Variants in PLOD1 observed in about 807,000 individuals in gnomAD.
The protein encoded by PLOD1 is procollagen-lysine,2-oxoglutarate 5-dioxygenase 1, also known as lysine hydroxylase.
Under a neutral mutation model 94.7 loss-of-function variants are expected in PLOD1, and 70 were observed. The observed-to-expected ratio is 0.74, with a 90% CI of 0.61 to 0.90. The LOEUF is 0.90. Among genes scored for constraint, PLOD1 ranks in the 40% least tolerant of loss-of-function variants. The pLI is 0.00. For synonymous variants in PLOD1, 417 were observed against 400.2 expected (o/e 1.04, Z -0.50); for missense variants, 905 against 972.7 (o/e 0.93, Z 0.93).
chr1:11,970,603 G>A (rs1645854569), intron 16 of PLOD1, 67 bp from the exon 17 acceptor site: 2 of 1,464,888 alleles, frequency 1.4e-6, no homozygotes, highest in Admixed American at 3.4e-5. Flanking sequence ...GTGTAGGAGA[G>A]GGGAGTAGAC....
Position 11,950,509 on chromosome 1 carries a change from T to C in PLOD1, c.455T>C (p.Leu152Pro). 1.2e-6 allele frequency: 2 copies of C among 1,613,980 alleles called. No homozygotes were observed. The highest frequency in any genetic ancestry group is 1.7e-5 in the Admixed American group (1 of 60,022). The change falls in exon 4 of 19, where the codon CTG (leucine) becomes CCG (proline). Residue 152 changes from leucine to proline, a missense_variant. Physicochemically the swap from Leu to Pro is moderately conservative, Grantham distance 98. Transcript: ENST00000196061. Reference sequence around the variant, plus strand: ...GTGGTGTCCGATGGCAAGAGGTTCCTGGGCTCTGGAGGTGAGAGGCCTGGG... The same window carrying C: ...GTGGTGTCCGATGGCAAGAGGTTCCCGGGCTCTGGAGGTGAGAGGCCTGGG... ...YPVVSDGKRFLGSGGFIGYAP... is the reference protein window; with the variant it reads ...YPVVSDGKRFPGSGGFIGYAP...
At chr1:11,950,672 A>T (rs1389882054) in intron 4 of PLOD1, 152 bp downstream of exon 4, 1 of 661,818 alleles carries the variant, frequency 1.5e-6, no homozygotes, top group Non-Finnish European at 2.6e-6. Flanking sequence ...TCAACCCCAA[A>T]TGTGCTCCCC....
chr1:11,944,042 G>A lies in PLOD1; in HGVS notation c.77-3934G>A, dbSNP rs530273767. Among the ~76,000 whole-genome samples the A allele has an allele frequency of 5.3e-5, 8 of 152,222 alleles. 1 individual carries two copies. In the South Asian group the frequency reaches 1.5e-3, roughly 28 times the overall value. On this transcript the variant is annotated intron_variant, in intron 1 of 18. Coordinates refer to ENST00000196061, the MANE Select transcript of PLOD1 (RefSeq NM_000302.4). Reference sequence around the variant, plus strand: ...AGGTCATGAGTTTGCGACCAGCCTGGCCAACATGGTGAAACCCCATCTCTA... The same window carrying A: ...AGGTCATGAGTTTGCGACCAGCCTGACCAACATGGTGAAACCCCATCTCTA...
intron 16 of PLOD1, among the ~76,000 whole-genome samples, chr1:11,969,286 G>A (rs1188983318): frequency 6.6e-6 from 1 of 152,092 alleles, no homozygotes; most frequent in Non-Finnish European, 1.5e-5. Flanking sequence ...ACCGTGCCTG[G>A]CCTCATTTTC....
intron 1 of PLOD1, among the ~76,000 whole-genome samples, chr1:11,937,177 C>T (rs1479870414): frequency 1.3e-5 from 2 of 152,178 alleles, no homozygotes; most frequent in African/African-American, 4.8e-5. Context: ...GTACCTCCCT[C>T]GGACCAGGTT....
rs779912763 is a variant in PLOD1, at chr1:11,972,874, C to G, written c.1905C>G (p.Ala635=). Residue 635 remains alanine (A), a splice_region_variant and synonymous_variant, in exon 18 of 19, where the codon GCC becomes GCG. Coordinates refer to ENST00000196061, the MANE Select transcript of PLOD1 (RefSeq NM_000302.4). The surrounding 1 kb of genome is among the most constrained non-coding windows in gnomAD (Gnocchi z 4.6). ...EKLYPGYYTR[A]QFDLAFVVRY... ...CTTGTCCCCCTGCCTTGGTACAGGCCCAGTTTGACCTGGCCTTTGTCGTCC... is the reference window on the plus strand; with the variant it reads ...CTTGTCCCCCTGCCTTGGTACAGGCGCAGTTTGACCTGGCCTTTGTCGTCC... The G allele has an allele frequency of 6.2e-7, 1 of 1,613,998 alleles. No individual in the cohort carries two copies. The highest frequency in any genetic ancestry group is 8.5e-7 in the Non-Finnish European group (1 of 1,179,936).
rs755326697 is a variant in PLOD1 at position 11,970,722 on chromosome 1, T to C, written c.1808T>C (p.Met603Thr). The C allele has an allele frequency of 3.1e-6, 5 of 1,612,856 alleles. No homozygotes were observed. In the East Asian group the frequency reaches 6.7e-5, roughly 22 times the overall value. ...YENVPTIDIH[M>T]NQIGFEREWH... ...AACGTGCCGACTATTGACATCCACA[T>C]GAACCAGATCGGCTTTGAGCGGGAG... Residue 603 changes from methionine (M) to threonine (T), a missense_variant, in exon 17 of 19, where the codon ATG (methionine) becomes ACG (threonine). Met to Thr is a moderately conservative substitution (Grantham distance 81). Transcript: ENST00000196061.
At chr1:11,939,826 TC>T (rs1645604089) in intron 1 of PLOD1, among the ~76,000 whole-genome samples, 1 of 152,186 alleles carries the variant, frequency 6.6e-6, no homozygotes, top group African/African-American at 2.4e-5. Flanking sequence ...CAGGCTGGTC[TC>T]GAGCTCCTGA....
In PLOD1 at chr1:11,956,987, C is replaced by T; in HGVS notation, c.714C>T (p.Val238=). The T allele has an allele frequency of 6.2e-7, 1 of 1,613,504 alleles. No homozygotes were observed. ...ARNLAYDTLP[V]LIHGNGPTKL... ...ACCTGGCCTATGACACCCTCCCGGT[C>T]CTGATCCATGGCAACGGGCCAACCA... is the stretch of plus-strand genomic sequence containing the variant. Residue 238 remains valine, a synonymous_variant, in exon 7 of 19, where the codon GTC becomes GTT. Transcript: ENST00000196061.
intron 1 of PLOD1, among the ~76,000 whole-genome samples, chr1:11,941,594 C>T (rs1364036326): frequency 6.6e-6 from 1 of 152,050 alleles, no homozygotes. Flanking sequence ...ATTCTCCTAT[C>T]TCAGCCTCCT....
At chr1:11,944,438 C>CACACACAT in intron 1 of PLOD1, 3 of 796,950 alleles carry the variant, frequency 3.8e-6, no homozygotes, top group Non-Finnish European at 5.5e-6. Flanking sequence ...CACACACACA[C>CACACACAT]ACACACACAC....
chr1:11,954,858 G>A lies in PLOD1; in HGVS notation c.608G>A (p.Arg203His), dbSNP rs145482271. The stretch of plus-strand genomic sequence containing the variant: ...CAGATCAATATCACCCTGGACCACC[G>A]CTGCCGTATCTTCCAGAACCTGGAT... Reference protein sequence around the residue: ...REQINITLDHRCRIFQNLDGA... With the variant: ...REQINITLDHHCRIFQNLDGA... Residue 203 changes from arginine to histidine, a missense_variant, in exon 6 of 19, where the codon CGC becomes CAC. Transcript: ENST00000196061. 119 of 1,613,340 alleles carry A rather than the reference G, an allele frequency of 7.4e-5. No homozygotes were observed. In the African/African-American group the frequency reaches 1.3e-3, roughly 18 times the overall value.
intron 1 of PLOD1, among the ~76,000 whole-genome samples, chr1:11,940,756 C>A (rs555787305): frequency 8.5e-5 from 13 of 152,314 alleles, no homozygotes; most frequent in African/African-American, 2.9e-4. Context: ...CTGGACCAGA[C>A]AGAAAGCAGA....
At chr1:11,966,782 C>T (rs185670894) in intron 15 of PLOD1, among the ~76,000 whole-genome samples, 151 of 152,280 alleles carry the variant, frequency 9.9e-4, no homozygotes, top group African/African-American at 3.4e-3. Flanking sequence ...CTGACCTTGG[C>T]GCTGGTAGCT....
chr1:11,972,826 C>T lies in PLOD1; in HGVS notation c.1903-46C>T, dbSNP rs1266514310. 2 of 1,612,636 alleles carry T rather than the reference C, an allele frequency of 1.2e-6. No individual in the cohort carries two copies. The highest frequency in any genetic ancestry group is 1.1e-5 in the South Asian group (1 of 91,006). On this transcript the variant is annotated intron_variant, in intron 17 of 18. Transcript: ENST00000196061. This position sits in a 1 kb window ranked among gnomAD's most constrained non-coding sequence, Gnocchi z 4.6. ...CACCCTCCTCTCCTGGCCTTTGTGTCCTCCTTAACTAACACGGGCTCTCTT... is the reference window on the plus strand; with the variant it reads ...CACCCTCCTCTCCTGGCCTTTGTGTTCTCCTTAACTAACACGGGCTCTCTT...
intron 3 of PLOD1, 125 bp downstream of exon 3, chr1:11,950,031 A>T: frequency 9.8e-7 from 1 of 1,020,734 alleles, no homozygotes; most frequent in Non-Finnish European, 1.6e-6. Flanking sequence ...GCCTAGTTTT[A>T]GGGTGTCCAT....
rs1217005116 is a variant in PLOD1, at chr1:11,958,794, C to T, written c.975+147C>T. The T allele has an allele frequency of 1.1e-6, 1 of 946,026 alleles. No individual in the cohort carries two copies. The highest frequency in any genetic ancestry group is 1.6e-5 in the African/African-American group (1 of 61,476). 58.6% of individuals were successfully genotyped at this position (946,026 alleles called of 1,614,324 possible). A position where few individuals can be genotyped will look rare whatever the true frequency, so the allele number is the denominator to read the frequency against. On this transcript the variant is annotated intron_variant, in intron 9 of 18. Coordinates refer to ENST00000196061, the MANE Select transcript of PLOD1 (RefSeq NM_000302.4). The surrounding 1 kb of genome is among the most constrained non-coding windows in gnomAD (Gnocchi z 4.3). ...ACCAGTGGACTGTGTCCCCAAATCA[C>T]TGAGTTAACTTTGGAGTCAGACTGG...
chr1:11,936,719 C>T (rs889570520), intron 1 of PLOD1, among the ~76,000 whole-genome samples: 3 of 151,980 alleles, frequency 2.0e-5, no homozygotes, highest in African/African-American at 4.8e-5. Flanking sequence ...GACGAGGTTT[C>T]GCCATGTTGG....
chr1:11,959,931 CT>C (rs1192824528), intron 9 of PLOD1, among the ~76,000 whole-genome samples: 6,801 of 123,206 alleles, frequency 0.055, 349 homozygotes, highest in African/African-American at 0.16. Context: ...GTTGTTTTTC[CT>C]TTTTTTTTTT....
Sources: gnomAD v4.1 joint callset for allele counts (sites outside exome capture counted in the v4.1 genomes callset) on GRCh38, gnomAD v4.1.1 for gene constraint, Gnocchi (gnomAD v3.1) non-coding constraint, MANE v1.5 for transcripts, NCBI Gene and HGNC (gene_info 2026-07-23, HGNC 2026-07-21) for gene names.